The following GRIP2 variants were observed in gnomAD, a reference collection of about 807,000 sequenced individuals.
GRIP2 encodes glutamate receptor interacting protein 2.
Under a neutral mutation model 108.3 loss-of-function variants are expected in GRIP2, and 58 were observed. The observed-to-expected ratio is 0.54, with a 90% CI of 0.43 to 0.67. The LOEUF is 0.67. Ranked by LOEUF, GRIP2 falls within the 30% of genes least tolerant of loss-of-function variation. The probability of loss-of-function intolerance (pLI) is 0.00; values close to 1 mark genes in which losing one functional copy is unlikely to be tolerated. For missense variants in GRIP2, 1,278 were observed against 1,430.6 expected, an observed-to-expected ratio of 0.89 and a Z score of 1.72; for synonymous variants, 586 against 598.2, an observed-to-expected ratio of 0.98 and a Z score of 0.30.
intron 9 of GRIP2, among the ~76,000 whole-genome samples, chr3:14,519,025 G>A (rs1476454878): frequency 6.6e-6 from 1 of 152,230 alleles, no homozygotes; most frequent in African/African-American, 2.4e-5. Context: ...TAAAGTGGGA[G>A]GACAGTAAGA....
rs1346566389 is a variant in GRIP2, at chr3:14,490,346, C to G, written c.*3319G>C. On this transcript the variant is annotated 3_prime_UTR_variant, in exon 24 of 24. Transcript: ENST00000621039. The stretch of plus-strand genomic sequence containing the variant: ...GCCTGCTGCCTCCCTTGGCCTTCCC[C>G]CTGCCTACACCACTCCCAAGACAGA... 1 of 152,426 alleles carries G rather than the reference C, an allele frequency of 6.6e-6. No homozygotes were observed. The allele number at this position is 152,426 out of a possible 1,614,324, so 9.4% of individuals were successfully genotyped here.
Position 14,507,552 on chromosome 3 carries a change from G to A in GRIP2, c.2218+9C>T, listed in dbSNP as rs370729301. ...CTGGGTGGCTCCCAGGGGATGAAGC[G>A]AATCTCACGGTCTAGTTGCTTCTTG... is the stretch of plus-strand genomic sequence containing the variant. On this transcript the variant is annotated intron_variant, in intron 18 of 23. Coordinates refer to ENST00000621039, the MANE Select transcript of GRIP2 (RefSeq NM_001080423.4). This position sits in a 1 kb window ranked among gnomAD's most constrained non-coding sequence, Gnocchi z 4.6. 316 of 1,611,356 alleles carry A rather than the reference G, an allele frequency of 2.0e-4. 1 individual carries two copies. Among genetic ancestry groups the A allele is most frequent in the Non-Finnish European group, 2.5e-4 (289 of 1,177,628 alleles).
rs1701267822 is a variant in GRIP2, at chr3:14,489,279, CT to C, written c.*4385del. ...ATGTATATCAATATTTTAAATTCATCTTTGCTTTTTTTAGAGGAGTTTGTAA... is the reference window on the plus strand; with the variant it reads ...ATGTATATCAATATTTTAAATTCATCTTGCTTTTTTTAGAGGAGTTTGTAA... On this transcript the variant is annotated 3_prime_UTR_variant, in exon 24 of 24. Coordinates refer to ENST00000621039, the MANE Select transcript of GRIP2 (RefSeq NM_001080423.4). 6.6e-6 allele frequency: 1 copy of C among 152,414 alleles called. No homozygotes were observed. Among genetic ancestry groups the C allele is most frequent in the African/African-American group, 2.4e-5 (1 of 41,370 alleles). The allele number at this position is 152,414 out of a possible 1,614,324, so 9.4% of individuals were successfully genotyped here.
chr3:14,521,470 G>T lies in GRIP2; in HGVS notation c.712+172C>A. The T allele has an allele frequency of 1.5e-6, 1 of 676,832 alleles. No homozygotes were observed. Among genetic ancestry groups the T allele is most frequent in the Non-Finnish European group, 2.4e-6 (1 of 414,726 alleles). 41.9% of individuals were successfully genotyped at this position (676,832 alleles called of 1,614,324 possible). A position where few individuals can be genotyped will look rare whatever the true frequency, so the allele number is the denominator to read the frequency against. On this transcript the variant is annotated intron_variant, in intron 7 of 23. Coordinates refer to ENST00000621039, the MANE Select transcript of GRIP2 (RefSeq NM_001080423.4). The surrounding 1 kb of genome is among the most constrained non-coding windows in gnomAD (Gnocchi z 5.1). ...TCTGTTGTTCTAGGCTGGATCCCCA[G>T]CACATCAAACAATGCCTAGCACATA...
At position 14,492,257 on chromosome 3, in the gene GRIP2, C is replaced by T. The variant is rs942490728; in HGVS notation, c.*1408G>A. On this transcript the variant is annotated 3_prime_UTR_variant, in exon 24 of 24. Coordinates refer to ENST00000621039, the MANE Select transcript of GRIP2 (RefSeq NM_001080423.4). ...TCATCTGTTCCCTCAAATGGAAGAG[C>T]ACTTTTCTGGCCTCCAGGGACCCCA... The T allele has an allele frequency of 6.6e-6, 1 of 152,262 alleles. No individual in the cohort carries two copies. The highest frequency in any genetic ancestry group is 2.4e-5 in the African/African-American group (1 of 41,440). The allele number at this position is 152,262 out of a possible 1,614,324, so 9.4% of individuals were successfully genotyped here. A position where few individuals can be genotyped will look rare whatever the true frequency, so the allele number is the denominator to read the frequency against.
At chr3:14,514,132 A>C (rs1317072121) in intron 12 of GRIP2, among the ~76,000 whole-genome samples, 160 bp downstream of exon 12, 1 of 152,240 alleles carries the variant, frequency 6.6e-6, no homozygotes, top group Admixed American at 6.5e-5. Flanking sequence ...CAAGTGAGTC[A>C]GCTTCTCTGA....
At chr3:14,594,326 G>T in the GRIP2 span, among the ~76,000 whole-genome samples, 17 of 152,358 alleles carry the variant, frequency 1.1e-4, no homozygotes, top group East Asian at 3.1e-3. Flanking sequence ...CCTGCCCCGG[G>T]CTCTGGGGAT....
chr3:14,562,805 G>A, the GRIP2 span, among the ~76,000 whole-genome samples: 150 of 152,292 alleles, frequency 9.8e-4, no homozygotes, highest in African/African-American at 3.6e-3. Flanking sequence ...GTGGCATTAC[G>A]TGCGCCAGAT....
chr3:14,563,460 GGC>G, the GRIP2 span, among the ~76,000 whole-genome samples: 1 of 152,158 alleles, frequency 6.6e-6, no homozygotes, highest in African/African-American at 2.4e-5. Context: ...TGCCTTGGTG[GGC>G]GGGGGCTGGG....
In GRIP2 at chr3:14,508,893, A is replaced by G. The variant is rs116755855; in HGVS notation, c.2078+927T>C. Among the ~76,000 whole-genome samples the G allele has an allele frequency of 1.9e-3, 290 of 152,336 alleles. 3 individuals carry two copies. Among genetic ancestry groups the G allele is most frequent in the African/African-American group, 6.9e-3 (285 of 41,578 alleles). ...TCTGATTAAATTTGTGGCTCAAATT[A>G]TATTTCAGTTGGACAGCACTGAGCT... On this transcript the variant is annotated intron_variant, in intron 17 of 23. Coordinates refer to ENST00000621039, the MANE Select transcript of GRIP2 (RefSeq NM_001080423.4).
chr3:14,511,321 C>A lies in GRIP2; in HGVS notation c.1788-11G>T. ...TCCAGGGTGCCCGTCCTGCATGAGT[C>A]GGGGGCAGAGGGGATGGAAGGAGCC... On this transcript the variant is annotated splice_polypyrimidine_tract_variant and intron_variant, in intron 15 of 23. Transcript: ENST00000621039. The surrounding 1 kb of genome is among the most constrained non-coding windows in gnomAD (Gnocchi z 4.1). 3 of 1,613,944 alleles carry A rather than the reference C, an allele frequency of 1.9e-6. No individual in the cohort carries two copies. The highest frequency in any genetic ancestry group is 2.5e-6 in the Non-Finnish European group (3 of 1,179,862).
intron 1 of GRIP2, among the ~76,000 whole-genome samples, chr3:14,528,100 T>C (rs1694612916): frequency 6.6e-6 from 1 of 152,196 alleles, no homozygotes; most frequent in Admixed American, 6.5e-5. Context: ...CAAGCACTTA[T>C]CTGTTTTCAG....
chr3:14,574,354 G>T, the GRIP2 span: 1 of 973,558 alleles, frequency 1.0e-6, no homozygotes, highest in Non-Finnish European at 1.6e-6. Flanking sequence ...ACAGCGATGC[G>T]CTGGTTCCGC....
chr3:14,587,150 G>T, the GRIP2 span, among the ~76,000 whole-genome samples: 1 of 152,206 alleles, frequency 6.6e-6, no homozygotes, highest in South Asian at 2.1e-4. Flanking sequence ...ATAGCCAGAA[G>T]CCAGAGAAAT....
At chr3:14,523,474 T>C (rs1694468119) in intron 5 of GRIP2, 138 bp downstream of exon 5, 7 of 659,832 alleles carry the variant, frequency 1.1e-5, no homozygotes, top group Non-Finnish European at 1.9e-5. Context: ...ACTGAATACT[T>C]ACCTTAACGG....
chr3:14,523,498 A>G (rs1694469144), intron 5 of GRIP2, 114 bp downstream of exon 5: 1 of 747,952 alleles, frequency 1.3e-6, no homozygotes, highest in Non-Finnish European at 2.3e-6. Context: ...TGTGTTCTTC[A>G]AAGTCAGAAC....
At chr3:14,497,846 T>A (rs534684401) in intron 21 of GRIP2, among the ~76,000 whole-genome samples, 2 of 152,002 alleles carry the variant, frequency 1.3e-5, no homozygotes, top group Admixed American at 6.5e-5. Context: ...GCTCAGGAAG[T>A]GAGGGCTGAG....
intron 9 of GRIP2, among the ~76,000 whole-genome samples, chr3:14,519,103 G>GA (rs1694336629): frequency 1.3e-5 from 2 of 152,208 alleles, no homozygotes; most frequent in African/African-American, 4.8e-5. Flanking sequence ...CCTGGCACGT[G>GA]GCAGATGCTC....
rs775954418 is a variant in GRIP2, at chr3:14,503,584, C to G, written c.2661G>C (p.Glu887Asp). ...LEDLESCGQS[E>D]LLRELEASIM... ...GCCATACCTCCAGTTCCCTCAGCAG[C>G]TCTGACTGACCACATGACTCCAGGT... The change falls in exon 21 of 24, where the codon GAG becomes GAC. Residue 887 changes from glutamate (E) to aspartate (D), a missense_variant. Glu to Asp is a conservative substitution (Grantham distance 45). Transcript: ENST00000621039. The G allele has an allele frequency of 3.7e-6, 6 of 1,610,734 alleles. No individual in the cohort carries two copies. The highest frequency in any genetic ancestry group is 1.1e-5 in the South Asian group (1 of 90,056).
Sources: allele counts gnomAD v4.1 joint callset (sites outside exome capture counted in the v4.1 genomes callset), GRCh38; gene constraint gnomAD v4.1.1; non-coding constraint Gnocchi (gnomAD v3.1); transcripts MANE v1.5; gene names NCBI Gene and HGNC (gene_info 2026-07-23, HGNC 2026-07-21).